Variants in DAZAP1 observed in about 807,000 individuals in gnomAD.
The protein encoded by DAZAP1 is DAZ-associated protein 1.
A neutral mutation model predicts 60.1 loss-of-function variants in DAZAP1; 6 were observed. That is an observed-to-expected ratio of 0.10 (90% confidence interval 0.05 to 0.20). The LOEUF is 0.20. DAZAP1 is among the 10% of genes least tolerant of loss of function. The pLI is 1.00. For synonymous variants in DAZAP1, 235 were observed against 215.9 expected (o/e 1.09, Z -0.78); for missense variants, 366 against 560.4 (o/e 0.65, Z 3.50).
chr19:1,421,891 G>A (rs1410132067), intron 5 of DAZAP1, among the ~76,000 whole-genome samples: 3 of 152,202 alleles, frequency 2.0e-5, no homozygotes, highest in Non-Finnish European at 4.4e-5. Flanking sequence ...CCTGAGCGGG[G>A]CCTGGAAGAG....
chr19:1,420,581 T>C (rs2083127615), intron 4 of DAZAP1, among the ~76,000 whole-genome samples: 1 of 151,956 alleles, frequency 6.6e-6, no homozygotes, highest in Non-Finnish European at 1.5e-5. Flanking sequence ...CTCCTGGCTC[T>C]GGCCACCCAG....
intron 1 of DAZAP1, among the ~76,000 whole-genome samples, chr19:1,408,377 C>T (rs2082725756): frequency 6.6e-6 from 1 of 152,280 alleles, no homozygotes; most frequent in South Asian, 2.1e-4. Flanking sequence ...GCTTCCTGGC[C>T]AGGGGGACCC....
intron 1 of DAZAP1, among the ~76,000 whole-genome samples, chr19:1,408,958 C>T (rs1224894780): frequency 6.6e-6 from 1 of 152,224 alleles, no homozygotes; most frequent in East Asian, 1.9e-4. Context: ...CAGCGCTGGG[C>T]TTGGCTAGTG....
In DAZAP1 at chr19:1,434,090, G is replaced by A; in HGVS notation, c.1049-647G>A. On this transcript the variant is annotated intron_variant, in intron 11 of 11. Coordinates refer to ENST00000233078, the MANE Select transcript of DAZAP1 (RefSeq NM_018959.4). The surrounding 1 kb of genome is among the most constrained non-coding windows in gnomAD (Gnocchi z 8.0). Reference sequence around the variant, plus strand: ...TTCCTGCAAGGTGTGCAGCGGGGTGGGGAGCGGCGTGAGCAGCTCTGTCCT... The same window carrying A: ...TTCCTGCAAGGTGTGCAGCGGGGTGAGGAGCGGCGTGAGCAGCTCTGTCCT... 1 of 530,828 alleles carries A rather than the reference G, an allele frequency of 1.9e-6. No homozygotes were observed. Among genetic ancestry groups the A allele is most frequent in the Non-Finnish European group, 3.4e-6 (1 of 294,226 alleles). 32.9% of individuals were successfully genotyped at this position (530,828 alleles called of 1,614,324 possible).
rs910866299 is a variant in DAZAP1, at chr19:1,423,866, G to A, written c.463+1470G>A. ...CTGTCCCGTGTGGACGGGACGTGGC[G>A]AGTGTCGCTGAGTCCACACTGGTGT... On this transcript the variant is annotated intron_variant, in intron 6 of 11. Coordinates refer to ENST00000233078, the MANE Select transcript of DAZAP1 (RefSeq NM_018959.4). This position sits in a 1 kb window ranked among gnomAD's most constrained non-coding sequence, Gnocchi z 6.8. Among the ~76,000 whole-genome samples, 4 of 152,204 alleles carry A rather than the reference G, an allele frequency of 2.6e-5. No individual in the cohort carries two copies. The highest frequency in any genetic ancestry group is 9.7e-5 in the African/African-American group (4 of 41,438).
rs1053050557 is a variant in DAZAP1, at chr19:1,422,210, G to C, written c.415-138G>C. On this transcript the variant is annotated intron_variant, in intron 5 of 11. Coordinates refer to ENST00000233078, the MANE Select transcript of DAZAP1 (RefSeq NM_018959.4). The surrounding 1 kb of genome is among the most constrained non-coding windows in gnomAD (Gnocchi z 4.5). ...CAGACAGCAGCCCCACGGAGCAGCTGTTGCCCGTGCACCTCCCCCGCTCAG... is the reference window on the plus strand; with the variant it reads ...CAGACAGCAGCCCCACGGAGCAGCTCTTGCCCGTGCACCTCCCCCGCTCAG... The C allele has an allele frequency of 6.9e-6, 5 of 723,446 alleles. No homozygotes were observed. Among genetic ancestry groups the C allele is most frequent in the Non-Finnish European group, 1.2e-5 (5 of 418,746 alleles). The allele number at this position is 723,446 out of a possible 1,614,324, so 44.8% of individuals were successfully genotyped here. A position where few individuals can be genotyped will look rare whatever the true frequency, so the allele number is the denominator to read the frequency against.
chr19:1,422,476 C>T lies in DAZAP1; in HGVS notation c.463+80C>T. On this transcript the variant is annotated intron_variant, in intron 6 of 11. Coordinates refer to ENST00000233078, the MANE Select transcript of DAZAP1 (RefSeq NM_018959.4). This position sits in a 1 kb window ranked among gnomAD's most constrained non-coding sequence, Gnocchi z 4.5. ...CAAACTATCTCACCCGCCAGGCACA[C>T]ACAGGTGGCGGCTGTAGCAAACAGC... 7.2e-7 allele frequency: 1 copy of T among 1,392,714 alleles called. No individual in the cohort carries two copies. Among genetic ancestry groups the T allele is most frequent in the Admixed American group, 1.7e-5 (1 of 57,296 alleles). The allele number at this position is 1,392,714 out of a possible 1,614,324, so 86.3% of individuals were successfully genotyped here.
chr19:1,422,431 C>T lies in DAZAP1; in HGVS notation c.463+35C>T, dbSNP rs767420615. ...GATCTAGTTTGACCTCGGCCTTCTC[C>T]CTGCTCCTCCCTCAGATGGCAAACT... On this transcript the variant is annotated intron_variant, in intron 6 of 11. Transcript: ENST00000233078. This position sits in a 1 kb window ranked among gnomAD's most constrained non-coding sequence, Gnocchi z 4.5. The T allele has an allele frequency of 4.1e-5, 65 of 1,601,704 alleles. No homozygotes were observed. Among genetic ancestry groups the T allele is most frequent in the Non-Finnish European group, 5.3e-5 (62 of 1,169,676 alleles).
chr19:1,420,799 C>T (rs1214859775), intron 4 of DAZAP1, among the ~76,000 whole-genome samples: 1 of 152,240 alleles, frequency 6.6e-6, no homozygotes, highest in African/African-American at 2.4e-5. Flanking sequence ...TGCTGCCTTT[C>T]CCCTGCCGTC....
Position 1,418,551 on chromosome 19 carries a change from G to A in DAZAP1, c.238-115G>A. 6.8e-7 allele frequency: 1 copy of A among 1,476,020 alleles called. No individual in the cohort carries two copies. The highest frequency in any genetic ancestry group is 1.1e-5 in the South Asian group (1 of 86,970). The allele number at this position is 1,476,020 out of a possible 1,614,324, so 91.4% of individuals were successfully genotyped here. A position where few individuals can be genotyped will look rare whatever the true frequency, so the allele number is the denominator to read the frequency against. ...TGCAGGAGGATACAGGGTGAATGGA[G>A]CCGGCGGGGCGGGGCGGGCCGGGCT... On this transcript the variant is annotated intron_variant, in intron 3 of 11. Coordinates refer to ENST00000233078, the MANE Select transcript of DAZAP1 (RefSeq NM_018959.4). This position sits in a 1 kb window ranked among gnomAD's most constrained non-coding sequence, Gnocchi z 5.7.
intron 2 of DAZAP1, among the ~76,000 whole-genome samples, chr19:1,417,940 C>T (rs971227622): frequency 1.3e-5 from 2 of 152,198 alleles, no homozygotes; most frequent in African/African-American, 4.8e-5. Flanking sequence ...TTGCCTTAAA[C>T]GTTGCCTTCC....
intron 1 of DAZAP1, among the ~76,000 whole-genome samples, chr19:1,415,389 G>GTTTT (rs111300304): frequency 7.8e-6 from 1 of 127,580 alleles, no homozygotes; most frequent in African/African-American, 3.0e-5. Flanking sequence ...GTGTGTGTGT[G>GTTTT]TTTTGTTTTT....
chr19:1,411,658 C>G (rs183302628), intron 1 of DAZAP1, among the ~76,000 whole-genome samples: 2 of 152,360 alleles, frequency 1.3e-5, no homozygotes, highest in South Asian at 4.1e-4. Context: ...AGCAGCAGCG[C>G]GCAGCGTGCC....
At position 1,425,824 on chromosome 19, in the gene DAZAP1, CTGT is replaced by C; in HGVS notation, c.464-52_464-50del. ...CCCGTCCCTAATACTGTTCATCATC[CTGT>C]TTTGTGTCACAACACCCTGCTACCT... On this transcript the variant is annotated intron_variant, in intron 6 of 11. Transcript: ENST00000233078. This position sits in a 1 kb window ranked among gnomAD's most constrained non-coding sequence, Gnocchi z 5.4. 1 of 1,215,752 alleles carries C rather than the reference CTGT, an allele frequency of 8.2e-7. No individual in the cohort carries two copies. The highest frequency in any genetic ancestry group is 1.2e-6 in the Non-Finnish European group (1 of 817,006). The allele number at this position is 1,215,752 out of a possible 1,614,324, so 75.3% of individuals were successfully genotyped here. A position where few individuals can be genotyped will look rare whatever the true frequency, so the allele number is the denominator to read the frequency against.
chr19:1,420,768 C>T (rs1484597212), intron 4 of DAZAP1, among the ~76,000 whole-genome samples: 1 of 152,232 alleles, frequency 6.6e-6, no homozygotes, highest in Non-Finnish European at 1.5e-5. Context: ...CCAGCTTCCT[C>T]TCTGCTCATT....
intron 1 of DAZAP1, among the ~76,000 whole-genome samples, chr19:1,408,679 C>T (rs564854309): frequency 6.6e-6 from 1 of 152,228 alleles, no homozygotes; most frequent in Non-Finnish European, 1.5e-5. Context: ...AGAGTCAGCG[C>T]TTCCGAGGCG....
At chr19:1,413,098 T>C (rs1280548478) in intron 1 of DAZAP1, among the ~76,000 whole-genome samples, 2 of 152,184 alleles carry the variant, frequency 1.3e-5, no homozygotes, top group African/African-American at 2.4e-5. Context: ...TTCATCTGCG[T>C]AGGCCAGTGT....
intron 1 of DAZAP1, chr19:1,417,220 C>T (rs2083012054): frequency 2.0e-6 from 1 of 501,012 alleles, no homozygotes; most frequent in Non-Finnish European, 3.5e-6. Context: ...CACCACTGGC[C>T]TGTCCCAGGA....
chr19:1,425,991 G>T lies in DAZAP1; in HGVS notation c.546+31G>T. 1 of 1,497,492 alleles carries T rather than the reference G, an allele frequency of 6.7e-7. No homozygotes were observed. The highest frequency in any genetic ancestry group is 1.1e-5 in the South Asian group (1 of 88,628). 92.8% of individuals were successfully genotyped at this position (1,497,492 alleles called of 1,614,324 possible). ...TAGTTGTAGTTTTATTTTACCTTAA[G>T]ACCAAACCAAGTCTTAGGCAACTTA... is the stretch of plus-strand genomic sequence containing the variant. On this transcript the variant is annotated intron_variant, in intron 7 of 11. Coordinates refer to ENST00000233078, the MANE Select transcript of DAZAP1 (RefSeq NM_018959.4). The surrounding 1 kb of genome is among the most constrained non-coding windows in gnomAD (Gnocchi z 5.4).
Sources: allele counts gnomAD v4.1 joint callset (sites outside exome capture counted in the v4.1 genomes callset), GRCh38; gene constraint gnomAD v4.1.1; non-coding constraint Gnocchi (gnomAD v3.1); transcripts MANE v1.5; gene names NCBI Gene and HGNC (gene_info 2026-07-23, HGNC 2026-07-21).